IL1R2: variants seen among roughly 807,000 people sequenced by gnomAD.
The protein encoded by IL1R2 is interleukin-1 receptor type 2.
In IL1R2, 46 loss-of-function variants were observed where a neutral mutation model predicts 39.5. The observed-to-expected ratio is 1.16, with a 90% CI of 0.92 to 1.49. The LOEUF is 1.49. Among genes scored for constraint, IL1R2 ranks in the 40% most tolerant of loss-of-function variants. IL1R2 has a pLI of 0.00. For synonymous variants in IL1R2, 207 were observed against 189.6 expected (o/e 1.09, Z -0.75); for missense variants, 537 against 502.0 (o/e 1.07, Z -0.67).
intron 2 of IL1R2, among the ~76,000 whole-genome samples, 198 bp downstream of exon 2, chr2:102,008,840 AG>A (rs1358233115): frequency 6.9e-6 from 1 of 144,706 alleles, no homozygotes; most frequent in East Asian, 2.1e-4. Context: ...TGGGCAACAT[AG>A]AGAGACCCAC....
intron 3 of IL1R2, chr2:102,010,282 A>T (rs2150436341): frequency 6.3e-6 from 1 of 159,670 alleles, no homozygotes; most frequent in South Asian, 1.7e-4. Flanking sequence ...TACTCTGAAT[A>T]GGATTTTAGA....
At chr2:101,995,224 C>A (rs775966088) in intron 1 of IL1R2, among the ~76,000 whole-genome samples, 2 of 152,152 alleles carry the variant, frequency 1.3e-5, no homozygotes, top group African/African-American at 4.8e-5. Context: ...CCTGACATAA[C>A]CAGGTGAGCT....
At chr2:102,016,206 A>T (rs893686178) in intron 4 of IL1R2, 155 bp downstream of exon 4, 1 of 573,234 alleles carries the variant, frequency 1.7e-6, no homozygotes, top group East Asian at 2.9e-5. Flanking sequence ...TGAGTTCCAC[A>T]TCCTGGGATT....
intron 4 of IL1R2, among the ~76,000 whole-genome samples, chr2:102,018,721 C>A (rs961627811): frequency 8.5e-5 from 13 of 152,168 alleles, no homozygotes; most frequent in African/African-American, 3.1e-4. Flanking sequence ...GATCACACAG[C>A]CAGTAGATGG....
chr2:101,996,505 T>TTTTTTTG (rs55723899), intron 1 of IL1R2, among the ~76,000 whole-genome samples: 3 of 137,328 alleles, frequency 2.2e-5, no homozygotes, highest in Non-Finnish European at 3.1e-5. Flanking sequence ...TTTTTTTTTT[T>TTTTTTTG]GGGGGGGAGA....
chr2:102,009,948 T>C (rs1676516032), intron 3 of IL1R2, 122 bp downstream of exon 3: 1 of 1,138,508 alleles, frequency 8.8e-7, no homozygotes, highest in Admixed American at 2.1e-5. Context: ...TGAATCCACA[T>C]TGCATCCCGT....
At chr2:102,003,883 TTGTGTC>T (rs1170446056) in intron 1 of IL1R2, among the ~76,000 whole-genome samples, 1 of 149,654 alleles carries the variant, frequency 6.7e-6, no homozygotes, top group Non-Finnish European at 1.5e-5. Flanking sequence ...GTGGTTGTGT[TTGTGTC>T]TGTGTCTGTG....
At chr2:102,010,145 C>A (rs187685340) in intron 3 of IL1R2, 19 of 354,764 alleles carry the variant, frequency 5.4e-5, no homozygotes, top group African/African-American at 3.3e-4. Context: ...CATTTGTGTG[C>A]GCTACTGTAT....
intron 1 of IL1R2, chr2:101,999,057 A>G (rs1439329002): frequency 6.6e-6 from 1 of 152,376 alleles, no homozygotes; most frequent in Non-Finnish European, 1.5e-5. Context: ...CTTAAAAACT[A>G]GTGACGCTCA....
At chr2:102,013,524 C>CA (rs771727938) in intron 3 of IL1R2, among the ~76,000 whole-genome samples, 1,011 of 5,674 alleles carry the variant, frequency 0.18, 216 homozygotes, top group East Asian at 0.25. Context: ...TCTATCACTG[C>CA]AAAAAAAAAA....
At chr2:102,024,392 A>T in intron 6 of IL1R2, 141 bp from the exon 7 acceptor site, 1 of 659,092 alleles carries the variant, frequency 1.5e-6, no homozygotes, top group Non-Finnish European at 2.8e-6. Context: ...GAATCATTTG[A>T]GAAAACTAAA....
intron 8 of IL1R2, among the ~76,000 whole-genome samples, chr2:102,027,627 T>C (rs908106214): frequency 1.3e-5 from 2 of 152,176 alleles, no homozygotes; most frequent in Non-Finnish European, 2.9e-5. Flanking sequence ...TGATAGATAA[T>C]AGCTTAAAAA....
At chr2:102,000,669 G>A (rs1409244264) in intron 1 of IL1R2, among the ~76,000 whole-genome samples, 2 of 152,290 alleles carry the variant, frequency 1.3e-5, no homozygotes, top group East Asian at 3.9e-4. Context: ...GCTTCTGGAG[G>A]CCCCTCTAGC....
intron 2 of IL1R2, among the ~76,000 whole-genome samples, chr2:102,009,171 G>A (rs545479178): frequency 1.4e-4 from 21 of 152,128 alleles, no homozygotes; most frequent in South Asian, 2.1e-4. Context: ...ACCATACGAC[G>A]TGCCAGAACT....
In IL1R2 at chr2:102,026,197, A is replaced by C. The variant is rs910662097; in HGVS notation, c.974A>C (p.Lys325Thr). 6.2e-7 allele frequency: 1 copy of C among 1,613,288 alleles called. No individual in the cohort carries two copies. Among genetic ancestry groups the C allele is most frequent in the African/African-American group, 1.3e-5 (1 of 74,994 alleles). ...VTREDLHMDF[K>T]CVVHNTLSFQ... The stretch of plus-strand genomic sequence containing the variant: ...AGAGAGGATTTGCACATGGATTTTA[A>C]ATGTGTTGTCCATAATACCCTGAGT... The change falls in exon 8 of 9, where the codon AAA (lysine) becomes ACA (threonine). Residue 325 changes from lysine to threonine, a missense_variant. By Grantham distance (78) the Lys-to-Thr change is moderately conservative. Transcript: ENST00000332549.
At chr2:102,008,279 A>AGAGC (rs1676387384) in intron 1 of IL1R2, among the ~76,000 whole-genome samples, 1 of 152,266 alleles carries the variant, frequency 6.6e-6, no homozygotes. Flanking sequence ...CTTATGGGGC[A>AGAGC]GAGCCCCTCT....
intron 1 of IL1R2, among the ~76,000 whole-genome samples, chr2:102,007,463 A>T (rs1242273422): frequency 6.6e-6 from 1 of 152,148 alleles, no homozygotes; most frequent in African/African-American, 2.4e-5. Flanking sequence ...TGATCCATTA[A>T]CTCACTCATT....
chr2:102,015,364 G>T (rs1326444608), intron 3 of IL1R2, among the ~76,000 whole-genome samples: 2 of 152,166 alleles, frequency 1.3e-5, no homozygotes, highest in Admixed American at 1.3e-4. Flanking sequence ...ATTATGTTAC[G>T]ACACTTGTTG....
At chr2:102,022,933 AC>A (rs1417821186) in intron 6 of IL1R2, among the ~76,000 whole-genome samples, 1 of 152,096 alleles carries the variant, frequency 6.6e-6, no homozygotes, top group Admixed American at 6.5e-5. Context: ...CTCAACATAG[AC>A]CCTGTAGGTT....
Sources: allele counts gnomAD v4.1 joint callset (sites outside exome capture counted in the v4.1 genomes callset), GRCh38; gene constraint gnomAD v4.1.1; transcripts MANE v1.5; gene names NCBI Gene and HGNC (gene_info 2026-07-23, HGNC 2026-07-21).